The following KCNIP1 variants were observed in gnomAD, a reference collection of about 807,000 sequenced individuals.
KCNIP1 encodes the protein A-type potassium channel modulatory protein KCNIP1.
A neutral mutation model predicts 33.0 loss-of-function variants in KCNIP1; 18 were observed. That is an observed-to-expected ratio of 0.55 (90% CI 0.38 to 0.81). The LOEUF (loss-of-function observed/expected upper bound fraction) is 0.81, where lower values mean the gene tolerates loss of function less well. Ranked by LOEUF, KCNIP1 falls within the 30% of genes least tolerant of loss-of-function variation. The pLI, the probability that KCNIP1 is intolerant of heterozygous loss-of-function variation, is 0.00. For synonymous variants in KCNIP1, 93 were observed against 98.3 expected (o/e 0.95, Z 0.32); for missense variants, 238 against 271.6 (o/e 0.88, Z 0.87).
At chr5:170,463,421 T>C in intron 1 of KCNIP1, among the ~76,000 whole-genome samples, 1 of 151,964 alleles carries the variant, frequency 6.6e-6, no homozygotes, top group Non-Finnish European at 1.5e-5. Flanking sequence ...ATAAAAATCC[T>C]CAACAAAATA....
intron 1 of KCNIP1, among the ~76,000 whole-genome samples, chr5:170,664,173 A>G (rs918730626): frequency 2.6e-5 from 4 of 151,906 alleles, no homozygotes; most frequent in Non-Finnish European, 4.4e-5. Context: ...CATCAAACCA[A>G]TGGGCTCCTC....
chr5:170,613,002 T>C (rs1212643151), intron 1 of KCNIP1, among the ~76,000 whole-genome samples: 1 of 152,168 alleles, frequency 6.6e-6, no homozygotes, highest in African/African-American at 2.4e-5. Context: ...GCTCTTCACA[T>C]ACACACACCC....
intron 1 of KCNIP1, among the ~76,000 whole-genome samples, chr5:170,620,700 T>A (rs1236268628): frequency 6.6e-6 from 1 of 152,202 alleles, no homozygotes; most frequent in East Asian, 1.9e-4. Flanking sequence ...TTGACTAATT[T>A]AAAAAATCTT....
intron 1 of KCNIP1, among the ~76,000 whole-genome samples, chr5:170,634,035 G>A (rs903744815): frequency 6.6e-6 from 1 of 151,930 alleles, no homozygotes; most frequent in African/African-American, 2.4e-5. Context: ...GGTTCTGCGG[G>A]TGTTGTGAAA....
chr5:170,507,429 C>T (rs1384933837), intron 1 of KCNIP1, among the ~76,000 whole-genome samples: 5 of 152,216 alleles, frequency 3.3e-5, no homozygotes, highest in Admixed American at 6.5e-5. Flanking sequence ...CAATTTATGG[C>T]TCTATTGTTT....
At chr5:170,668,322 C>T (rs1050583960) in intron 1 of KCNIP1, among the ~76,000 whole-genome samples, 19 of 152,188 alleles carry the variant, frequency 1.2e-4, no homozygotes, top group African/African-American at 3.6e-4. Context: ...AGCATCCTGA[C>T]CTCTCCTAAA....
At chr5:170,573,148 G>A (rs1387542416) in intron 1 of KCNIP1, among the ~76,000 whole-genome samples, 1 of 152,208 alleles carries the variant, frequency 6.6e-6, no homozygotes, top group African/African-American at 2.4e-5. Context: ...CAAGCTGGCT[G>A]GGCAAGGAAC....
chr5:170,385,366 C>T lies in KCNIP1; in HGVS notation c.88+31402C>T, dbSNP rs756616526. On this transcript the variant is annotated intron_variant, in intron 1 of 7. Transcript: ENST00000377360. ...GTGACCAGGATGTAGTAGGTGATGA[C>T]GGCACACACCACCATGGTTACACCC... is the stretch of plus-strand genomic sequence containing the variant. 171 of 1,613,940 alleles carry T rather than the reference C, an allele frequency of 1.1e-4. No individual in the cohort carries two copies. The highest frequency in any genetic ancestry group is 1.5e-4 in the Admixed American group (9 of 60,002).
chr5:170,654,312 C>T lies in KCNIP1; in HGVS notation c.62-64446C>T, dbSNP rs182806105. ...TGTGCCAGGCACTGTGCTTCAGGGC[C>T]ATGGGGGATGCTCCAAGCGGTAAAA... On this transcript the variant is annotated intron_variant, in intron 1 of 7. Coordinates refer to ENST00000328939, the MANE Select transcript of KCNIP1 (RefSeq NM_014592.4). Among the ~76,000 whole-genome samples the T allele has an allele frequency of 2.0e-5, 3 of 152,308 alleles. No homozygotes were observed. In the East Asian group the frequency reaches 5.8e-4, roughly 29 times the overall value.
chr5:170,662,329 C>A (rs561548187), intron 1 of KCNIP1, among the ~76,000 whole-genome samples: 1 of 152,158 alleles, frequency 6.6e-6, no homozygotes, highest in Admixed American at 6.5e-5. Context: ...GAGGGAGGAG[C>A]TACCCGGGGG....
intron 1 of KCNIP1, among the ~76,000 whole-genome samples, chr5:170,487,751 C>T (rs1180672864): frequency 6.6e-6 from 1 of 152,064 alleles, no homozygotes; most frequent in Non-Finnish European, 1.5e-5. Context: ...CTCCTGGGCT[C>T]AAGGTATCCA....
rs187845254 is a variant in KCNIP1, at chr5:170,596,651, G to C, written c.61+92018G>C. ...CTGGGGGCCAGTGCCTCGGCCATCT[G>C]TGAACAGACACTGCTGGATAATGAT... is the stretch of plus-strand genomic sequence containing the variant. On this transcript the variant is annotated intron_variant, in intron 1 of 7. Coordinates refer to ENST00000328939, the MANE Select transcript of KCNIP1 (RefSeq NM_014592.4). 2.6e-5 allele frequency among the ~76,000 whole-genome samples: 4 copies of C among 152,366 alleles called. No homozygotes were observed. The East Asian group carries it at 7.7e-4, about 29-fold the overall frequency.
chr5:170,706,183 T>C (rs1006952962), intron 1 of KCNIP1, among the ~76,000 whole-genome samples: 1 of 152,230 alleles, frequency 6.6e-6, no homozygotes, highest in African/African-American at 2.4e-5. Flanking sequence ...AGCACAGAAA[T>C]GTATGTTCAC....
chr5:170,488,833 G>C (rs773726613), intron 1 of KCNIP1, among the ~76,000 whole-genome samples: 20 of 152,184 alleles, frequency 1.3e-4, no homozygotes, highest in Non-Finnish European at 2.6e-4. Flanking sequence ...CAAATGCCAG[G>C]CCTGCAGAGG....
intron 1 of KCNIP1, among the ~76,000 whole-genome samples, chr5:170,561,955 T>A (rs753056725): frequency 1.5e-4 from 23 of 152,246 alleles, no homozygotes; most frequent in Middle Eastern, 3.4e-3. Context: ...GTCAATAAAT[T>A]GTAAATTGAA....
At chr5:170,574,491 C>T (rs967794285) in intron 1 of KCNIP1, among the ~76,000 whole-genome samples, 4 of 152,226 alleles carry the variant, frequency 2.6e-5, no homozygotes, top group African/African-American at 9.6e-5. Flanking sequence ...CAAAAGTTGT[C>T]AGGAGCACCT....
intron 1 of KCNIP1, among the ~76,000 whole-genome samples, chr5:170,643,694 G>C (rs1760669049): frequency 6.6e-6 from 1 of 152,252 alleles, no homozygotes; most frequent in African/African-American, 2.4e-5. Flanking sequence ...CCTGTCTCCA[G>C]TATGTGGCCT....
chr5:170,535,135 C>T (rs1755932949), intron 1 of KCNIP1, among the ~76,000 whole-genome samples: 1 of 152,298 alleles, frequency 6.6e-6, no homozygotes, highest in Admixed American at 6.5e-5. Context: ...TCAGGGGCAG[C>T]AGTGCCTGCC....
At chr5:170,636,733 G>T (rs1020068016) in intron 1 of KCNIP1, among the ~76,000 whole-genome samples, 7 of 152,128 alleles carry the variant, frequency 4.6e-5, no homozygotes, top group African/African-American at 1.7e-4. Context: ...GGGGCTCAAG[G>T]TGGGGGTCAG....
Sources: gnomAD v4.1 joint callset for allele counts (sites outside exome capture counted in the v4.1 genomes callset) on GRCh38, gnomAD v4.1.1 for gene constraint, MANE v1.5 for transcripts, NCBI Gene and HGNC (gene_info 2026-07-23, HGNC 2026-07-21) for gene names.